Variants in PBX1 observed in about 807,000 individuals in gnomAD.
PBX1 encodes PBX homeobox 1, also known as pre-B-cell leukemia transcription factor 1.
PBX1 carries 6 observed loss-of-function variants against 53.4 expected under a neutral mutation model. The observed-to-expected ratio is 0.11, with a 90% CI of 0.06 to 0.22. PBX1 has a LOEUF of 0.22. PBX1 is among the 10% of genes least tolerant of loss of function. The pLI is 1.00. For synonymous variants in PBX1, 204 were observed against 212.3 expected, an observed-to-expected ratio of 0.96 and a Z score of 0.34; for missense variants, 251 against 551.4, an observed-to-expected ratio of 0.46 and a Z score of 5.46.
intron 8 of PBX1, among the ~76,000 whole-genome samples, chr1:164,841,196 A>G (rs945243504): frequency 6.6e-6 from 1 of 152,198 alleles, no homozygotes; most frequent in Non-Finnish European, 1.5e-5. Context: ...CAGGGGACAG[A>G]TGGATGTGCA....
chr1:164,781,380 TTAGAG>T (rs1416676011), intron 2 of PBX1, among the ~76,000 whole-genome samples: 2 of 152,098 alleles, frequency 1.3e-5, no homozygotes, highest in African/African-American at 4.8e-5. Context: ...AGCAGGCTGG[TTAGAG>T]TAAAAACCTG....
At chr1:164,812,176 G>C in intron 6 of PBX1, 27 bp downstream of exon 6, 1 of 1,591,610 alleles carries the variant, frequency 6.3e-7, no homozygotes, top group Non-Finnish European at 8.6e-7. Context: ...ATTGGGGGTG[G>C]GGGAAGGAAT....
At chr1:164,661,405 G>T (rs1041945561) in intron 2 of PBX1, among the ~76,000 whole-genome samples, 2 of 150,456 alleles carry the variant, frequency 1.3e-5, no homozygotes, top group Admixed American at 6.6e-5. Flanking sequence ...GGGATCACCA[G>T]CAATTTCACT....
Position 164,585,813 on chromosome 1 carries a change from CT to C in PBX1, c.265+22507del, listed in dbSNP as rs991222403. ...AGCTTTTAGCATTTTGGGTTGTAAA[CT>C]TTTTCTTTACATCCAATGTTCATGG... On this transcript the variant is annotated intron_variant, in intron 2 of 8. Transcript: ENST00000420696. 2.9e-4 allele frequency among the ~76,000 whole-genome samples: 44 copies of C among 152,274 alleles called. 1 individual carries two copies. Among genetic ancestry groups the C allele is most frequent in the African/African-American group, 1.0e-3 (43 of 41,560 alleles).
chr1:164,600,085 A>G (rs972272046), intron 2 of PBX1, among the ~76,000 whole-genome samples: 8 of 152,070 alleles, frequency 5.3e-5, no homozygotes, highest in African/African-American at 1.9e-4. Context: ...CATTTCCTAA[A>G]TCTCAATTTA....
At position 164,820,207 on chromosome 1, in the gene PBX1, A is replaced by G. The variant is rs1538488; in HGVS notation, c.1110+23A>G. The G allele has an allele frequency of 1, 1,344,700 of 1,345,088 alleles. 672,156 individuals carry two copies. The highest frequency in any genetic ancestry group is 1 in the Middle Eastern group (5,478 of 5,478). 83.3% of individuals were successfully genotyped at this position (1,345,088 alleles called of 1,614,324 possible). ...CAGGTAGGGACCCAGCCAATATGTC[A>G]CCAGGTGAATGCCTTAGAGTCCAAG... On this transcript the variant is annotated intron_variant, in intron 7 of 8. Transcript: ENST00000420696.
At chr1:164,611,009 A>C (rs914734126) in intron 2 of PBX1, among the ~76,000 whole-genome samples, 2 of 152,154 alleles carry the variant, frequency 1.3e-5, no homozygotes, top group Non-Finnish European at 2.9e-5. Flanking sequence ...TCTTTGTGCC[A>C]GCACTTTGTC....
At chr1:164,666,666 G>C (rs998106224) in intron 2 of PBX1, among the ~76,000 whole-genome samples, 7 of 152,310 alleles carry the variant, frequency 4.6e-5, no homozygotes, top group African/African-American at 1.7e-4. Flanking sequence ...GGGCCTAGGA[G>C]AGGTGCTGAA....
At chr1:164,876,424 T>C (rs2102460652) in intron 2 of PBX1, among the ~76,000 whole-genome samples, 1 of 151,408 alleles carries the variant, frequency 6.6e-6, no homozygotes, top group South Asian at 2.1e-4. Context: ...GGAGAGGGAT[T>C]CTGGCCAGCT....
At chr1:164,736,142 C>T (rs571900457) in intron 2 of PBX1, among the ~76,000 whole-genome samples, 1 of 152,294 alleles carries the variant, frequency 6.6e-6, no homozygotes, top group Admixed American at 6.5e-5. Flanking sequence ...AGCCTCTTCC[C>T]ACTGCAGCCC....
chr1:164,640,797 A>G (rs996524489), intron 2 of PBX1, among the ~76,000 whole-genome samples: 3 of 151,946 alleles, frequency 2.0e-5, no homozygotes, highest in Non-Finnish European at 4.4e-5. Flanking sequence ...AGCTCAGGCA[A>G]TCCGCCTGTC....
chr1:164,819,896 C>T lies in PBX1; in HGVS notation c.998-176C>T. The T allele has an allele frequency of 2.1e-5, 12 of 566,456 alleles. 1 individual carries two copies. The South Asian group carries it at 2.8e-4, about 13-fold the overall frequency. 35.1% of individuals were successfully genotyped at this position (566,456 alleles called of 1,614,324 possible). ...TTCACATAACATAAACAATATGCACCCTTTATTGCTTGCTCTGTTCTTCAT... is the reference window on the plus strand; with the variant it reads ...TTCACATAACATAAACAATATGCACTCTTTATTGCTTGCTCTGTTCTTCAT... On this transcript the variant is annotated intron_variant, in intron 6 of 8. Transcript: ENST00000420696.
chr1:164,744,080 C>T (rs759161132), intron 2 of PBX1, among the ~76,000 whole-genome samples: 1 of 152,070 alleles, frequency 6.6e-6, no homozygotes, highest in African/African-American at 2.4e-5. Flanking sequence ...ACATTTGTCC[C>T]GCAGCACCAG....
At position 164,850,942 on chromosome 1, in the gene PBX1, A is replaced by G. The variant is rs1021547385; in HGVS notation, c.*4266A>G. On this transcript the variant is annotated 3_prime_UTR_variant, in exon 9 of 9. Coordinates refer to ENST00000420696, the MANE Select transcript of PBX1 (RefSeq NM_002585.4). ...TCCAACCAAAGAGGCCTTTTCTTCC[A>G]GGAGAGTCCCGCAGGAGATGCTGGT... 4.7e-6 allele frequency: 1 copy of G among 213,966 alleles called. No individual in the cohort carries two copies. Among genetic ancestry groups the G allele is most frequent in the African/African-American group, 2.3e-5 (1 of 44,226 alleles). The allele number at this position is 213,966 out of a possible 1,614,324, so 13.3% of individuals were successfully genotyped here. A position where few individuals can be genotyped will look rare whatever the true frequency, so the allele number is the denominator to read the frequency against.
chr1:164,761,174 T>A (rs930496566), intron 2 of PBX1, among the ~76,000 whole-genome samples: 1 of 152,196 alleles, frequency 6.6e-6, no homozygotes, highest in Admixed American at 6.5e-5. Flanking sequence ...TAGGGACACA[T>A]TGGTGGTCAG....
At position 164,812,085 on chromosome 1, in the gene PBX1, C is replaced by G. The variant is rs148808502; in HGVS notation, c.933C>G (p.Val311=). ...ATATTTATGCTGCCAAAACAGCTGT[C>G]ACTGCTACCAATGTGTCAGCCCATG... ...EANIYAAKTA[V]TATNVSAHGS... The change falls in exon 6 of 9, where the codon GTC becomes GTG. Residue 311 remains valine (V), a synonymous_variant. Transcript: ENST00000420696. 2.5e-6 allele frequency: 4 copies of G among 1,613,780 alleles called. No homozygotes were observed. In the African/African-American group the frequency reaches 5.3e-5, roughly 22 times the overall value.
intron 2 of PBX1, among the ~76,000 whole-genome samples, chr1:164,862,716 T>A (rs1672129065): frequency 6.6e-6 from 1 of 152,110 alleles, no homozygotes; most frequent in African/African-American, 2.4e-5. Flanking sequence ...CCCCCACAGC[T>A]CCCCTTGGCT....
intron 2 of PBX1, among the ~76,000 whole-genome samples, chr1:164,600,533 G>A (rs948467516): frequency 1.1e-4 from 17 of 152,184 alleles, no homozygotes; most frequent in African/African-American, 3.9e-4. Flanking sequence ...ACAGGCGTGA[G>A]CCACTGCGCC....
At chr1:164,877,183 G>A (rs1002268879) in intron 2 of PBX1, among the ~76,000 whole-genome samples, 1 of 151,500 alleles carries the variant, frequency 6.6e-6, no homozygotes, top group Non-Finnish European at 1.5e-5. Context: ...TCAAGGGGGA[G>A]GTGAGAGAGC....
Sources: allele counts gnomAD v4.1 joint callset (sites outside exome capture counted in the v4.1 genomes callset), GRCh38; gene constraint gnomAD v4.1.1; transcripts MANE v1.5; gene names NCBI Gene and HGNC (gene_info 2026-07-23, HGNC 2026-07-21).